NPAS3: variants seen among roughly 807,000 people sequenced by gnomAD.
The protein encoded by NPAS3 is neuronal PAS domain protein 3, also known as neuronal PAS domain-containing protein 3.
A neutral mutation model predicts 73.1 loss-of-function variants in NPAS3; 14 were observed. The observed-to-expected ratio is 0.19, with a 90% CI of 0.13 to 0.30. The LOEUF (loss-of-function observed/expected upper bound fraction) is 0.30, where lower values mean the gene tolerates loss of function less well. Among genes scored for constraint, NPAS3 ranks in the 10% least tolerant of loss-of-function variants. The pLI is 1.00. For missense variants in NPAS3, 1,096 were observed against 1,250.0 expected (o/e 0.88, Z 1.86); for synonymous variants, 620 against 541.5 (o/e 1.14, Z -2.01).
intron 5 of NPAS3, among the ~76,000 whole-genome samples, chr14:33,673,044 G>C (rs1051497405): frequency 2.0e-5 from 3 of 152,324 alleles, no homozygotes; most frequent in South Asian, 2.1e-4. Context: ...TTTTGGTTTA[G>C]TACACCTCCT....
intron 2 of NPAS3, among the ~76,000 whole-genome samples, chr14:33,207,277 A>G (rs2046866640): frequency 8.8e-6 from 1 of 114,002 alleles, no homozygotes; most frequent in African/African-American, 3.4e-5. Flanking sequence ...GCACACACAC[A>G]CACACACACA....
chr14:33,778,375 A>T, intron 8 of NPAS3, 91 bp from the exon 9 acceptor site: 1 of 907,234 alleles, frequency 1.1e-6, no homozygotes, highest in African/African-American at 1.6e-5. Flanking sequence ...TAGTATAATG[A>T]AATGTGTCAG....
chr14:33,442,080 G>A (rs535380236), intron 4 of NPAS3, among the ~76,000 whole-genome samples: 35 of 152,204 alleles, frequency 2.3e-4, no homozygotes, highest in Admixed American at 1.6e-3. Flanking sequence ...CAGATTTCTC[G>A]ATGTACTACT....
chr14:33,247,795 T>C (rs1355658272), intron 3 of NPAS3, among the ~76,000 whole-genome samples: 1 of 152,208 alleles, frequency 6.6e-6, no homozygotes, highest in East Asian at 1.9e-4. Context: ...CACTTTTTTA[T>C]TTTTTAGAAA....
chr14:33,251,589 A>G (rs543626721), intron 3 of NPAS3, among the ~76,000 whole-genome samples: 1 of 152,150 alleles, frequency 6.6e-6, no homozygotes, highest in East Asian at 1.9e-4. Context: ...ATACTTATCT[A>G]TATTTAATAT....
At chr14:33,496,358 A>G (rs1389071720) in intron 4 of NPAS3, among the ~76,000 whole-genome samples, 1 of 152,196 alleles carries the variant, frequency 6.6e-6, no homozygotes, top group African/African-American at 2.4e-5. Context: ...TGAGGCCAGC[A>G]TCAGCCTGAT....
rs548156393 is a variant in NPAS3 at position 33,737,345 on chromosome 14, G to T, written c.852+2013G>T. 3.3e-5 allele frequency among the ~76,000 whole-genome samples: 5 copies of T among 152,300 alleles called. No individual in the cohort carries two copies. In the South Asian group the frequency reaches 1.0e-3, roughly 32 times the overall value. On this transcript the variant is annotated intron_variant, in intron 7 of 11. Coordinates refer to ENST00000356141, the Ensembl canonical transcript of NPAS3. ...GAAGCAACTTGGGCTTAGGATTAAA[G>T]ATGCTTTGCAGTAAGAATGGGCCTT... is the stretch of plus-strand genomic sequence containing the variant.
chr14:33,400,474 T>G (rs993465585), intron 4 of NPAS3, among the ~76,000 whole-genome samples: 1 of 152,140 alleles, frequency 6.6e-6, no homozygotes, highest in East Asian at 1.9e-4. Context: ...ATCTCAATTC[T>G]CACAGCATTA....
chr14:33,133,701 A>G (rs1319379011), intron 2 of NPAS3, among the ~76,000 whole-genome samples: 1 of 152,234 alleles, frequency 6.6e-6, no homozygotes, highest in Non-Finnish European at 1.5e-5. Flanking sequence ...TAATCAGACT[A>G]TGCAAATAAT....
chr14:33,242,068 A>G (rs2048229138), intron 3 of NPAS3, among the ~76,000 whole-genome samples: 2 of 152,026 alleles, frequency 1.3e-5, no homozygotes, highest in Admixed American at 6.6e-5. Flanking sequence ...TTTGTTTTCC[A>G]ACTGATATAC....
At chr14:33,166,111 G>A (rs560850055) in intron 2 of NPAS3, among the ~76,000 whole-genome samples, 9 of 152,206 alleles carry the variant, frequency 5.9e-5, no homozygotes, top group South Asian at 2.1e-4. Context: ...CTGTCAGACC[G>A]GCCTCATAGG....
intron 2 of NPAS3, among the ~76,000 whole-genome samples, chr14:33,113,097 G>A (rs1200591082): frequency 6.6e-6 from 1 of 152,256 alleles, no homozygotes; most frequent in Non-Finnish European, 1.5e-5. Flanking sequence ...AAGTCAGGTA[G>A]CGTGATGCCT....
intron 5 of NPAS3, among the ~76,000 whole-genome samples, chr14:33,606,902 T>G (rs1734077915): frequency 6.6e-6 from 1 of 152,158 alleles, no homozygotes; most frequent in Admixed American, 6.6e-5. Flanking sequence ...AAAAAAAATT[T>G]AATGGGCAAA....
intron 2 of NPAS3, among the ~76,000 whole-genome samples, chr14:33,153,161 G>GT (rs915075342): frequency 1.3e-5 from 2 of 151,686 alleles, no homozygotes; most frequent in African/African-American, 4.8e-5. Flanking sequence ...GAACATGCTT[G>GT]TTTTTTACTT....
chr14:33,470,257 A>G (rs1288260864), intron 4 of NPAS3, among the ~76,000 whole-genome samples: 2 of 152,234 alleles, frequency 1.3e-5, no homozygotes, highest in South Asian at 2.1e-4. Context: ...GAAAGGGAAC[A>G]TAGATCCTAC....
intron 5 of NPAS3, among the ~76,000 whole-genome samples, chr14:33,666,223 T>G: frequency 6.6e-6 from 1 of 152,202 alleles, no homozygotes; most frequent in East Asian, 1.9e-4. Context: ...CATCCTAGGC[T>G]TAGTCCAAGA....
At chr14:33,542,633 A>T (rs2054573729) in intron 4 of NPAS3, among the ~76,000 whole-genome samples, 2 of 152,238 alleles carry the variant, frequency 1.3e-5, no homozygotes, top group Non-Finnish European at 2.9e-5. Context: ...ACAGTGCCAG[A>T]TAAGAAGAAA....
rs376341432 is a variant in NPAS3, at chr14:33,004,056, T to C, written c.51-51849T>C. Among the ~76,000 whole-genome samples the C allele has an allele frequency of 1.7e-4, 26 of 152,116 alleles. 1 individual carries two copies. Among genetic ancestry groups the C allele is most frequent in the Admixed American group, 1.4e-3 (21 of 15,260 alleles). ...AGTTTTCTAATCTGTAAAATGGGAGTTATGCAATCATTATTAGGGGTGTGT... is the reference window on the plus strand; with the variant it reads ...AGTTTTCTAATCTGTAAAATGGGAGCTATGCAATCATTATTAGGGGTGTGT... On this transcript the variant is annotated intron_variant, in intron 1 of 11. Coordinates refer to ENST00000356141, the Ensembl canonical transcript of NPAS3.
chr14:33,070,996 C>G (rs1427053736), intron 2 of NPAS3, among the ~76,000 whole-genome samples: 1 of 152,126 alleles, frequency 6.6e-6, no homozygotes, highest in East Asian at 1.9e-4. Context: ...AATTTTTGCT[C>G]TTATTAGTAT....
Sources: gnomAD v4.1 joint callset for allele counts (sites outside exome capture counted in the v4.1 genomes callset) on GRCh38, gnomAD v4.1.1 for gene constraint, MANE v1.5 for transcripts, NCBI Gene and HGNC (gene_info 2026-07-23, HGNC 2026-07-21) for gene names.